The following SCN2A variants were observed in gnomAD, a reference collection of about 807,000 sequenced individuals.
SCN2A encodes the protein sodium channel protein type 2 subunit alpha.
In SCN2A, 20 loss-of-function variants were observed where a neutral mutation model predicts 188.7. The ratio of observed to expected loss-of-function variants is 0.11; its 90% CI spans 0.07 to 0.15. The LOEUF is 0.15. SCN2A is among the 10% of genes least tolerant of loss of function. The probability of loss-of-function intolerance (pLI) is 1.00; values close to 1 mark genes in which losing one functional copy is unlikely to be tolerated. For synonymous variants in SCN2A, 804 were observed against 833.1 expected, an observed-to-expected ratio of 0.97 and a Z score of 0.60; for missense variants, 1,278 against 2,445.0, an observed-to-expected ratio of 0.52 and a Z score of 10.07.
chr2:165,304,101 T>C (rs907149483), intron 3 of SCN2A, among the ~76,000 whole-genome samples: 2 of 151,976 alleles, frequency 1.3e-5, no homozygotes, highest in African/African-American at 2.4e-5. Flanking sequence ...GTGTAAACAA[T>C]ATGTATATAT....
At chr2:165,334,333 A>C (rs1011282932) in intron 14 of SCN2A, among the ~76,000 whole-genome samples, 1 of 151,738 alleles carries the variant, frequency 6.6e-6, no homozygotes, top group African/African-American at 2.4e-5. Context: ...GAACACAGAC[A>C]CAAATATAGA....
chr2:165,382,725 C>G (rs1263180120), intron 25 of SCN2A, among the ~76,000 whole-genome samples: 1 of 152,050 alleles, frequency 6.6e-6, no homozygotes, highest in Non-Finnish European at 1.5e-5. Flanking sequence ...ATACTGAAGT[C>G]ATATGAAGGC....
intron 1 of SCN2A, among the ~76,000 whole-genome samples, chr2:165,257,578 A>G (rs1302318031): frequency 6.6e-6 from 1 of 151,874 alleles, no homozygotes; most frequent in African/African-American, 2.4e-5. Flanking sequence ...TTGCTCTGTC[A>G]CCCAGGCTGG....
intron 1 of SCN2A, chr2:165,269,168 T>A (rs369663730): frequency 6.6e-6 from 1 of 152,084 alleles, no homozygotes; most frequent in East Asian, 1.9e-4. Context: ...CACCAAAATA[T>A]AAATATCTGA....
At chr2:165,309,719 C>T (rs374922781) in intron 6 of SCN2A, among the ~76,000 whole-genome samples, 100 of 152,184 alleles carry the variant, frequency 6.6e-4, no homozygotes, top group Middle Eastern at 3.4e-3. Context: ...TCAAGCTTTC[C>T]GCATAGAAGC....
At chr2:165,278,622 G>A (rs775778811) in intron 1 of SCN2A, among the ~76,000 whole-genome samples, 4 of 152,114 alleles carry the variant, frequency 2.6e-5, no homozygotes, top group Admixed American at 1.3e-4. Flanking sequence ...CTATCGTGGG[G>A]GTTGGTAAGA....
chr2:165,338,662 T>G (rs1699145685), intron 14 of SCN2A, among the ~76,000 whole-genome samples: 1 of 152,142 alleles, frequency 6.6e-6, no homozygotes, highest in South Asian at 2.1e-4. Context: ...CAAAATATTA[T>G]CAATAAAATC....
At chr2:165,377,559 T>A in intron 22 of SCN2A, 38 bp from the exon 23 acceptor site, 1 of 1,543,934 alleles carries the variant, frequency 6.5e-7, no homozygotes, top group Non-Finnish European at 8.9e-7. Context: ...AAAATTATAA[T>A]TTTGGGAAAA....
chr2:165,293,468 A>G (rs1696324134), intron 1 of SCN2A, among the ~76,000 whole-genome samples: 1 of 152,166 alleles, frequency 6.6e-6, no homozygotes, highest in Non-Finnish European at 1.5e-5. Flanking sequence ...CTACAAACCT[A>G]TACTGGATGT....
intron 14 of SCN2A, among the ~76,000 whole-genome samples, chr2:165,341,717 C>A (rs927047329): frequency 6.6e-6 from 1 of 152,062 alleles, no homozygotes; most frequent in African/African-American, 2.4e-5. Context: ...AAGGCATAAG[C>A]AAAAATGGCT....
chr2:165,254,957 T>C (rs1407719348), intron 1 of SCN2A, among the ~76,000 whole-genome samples: 2 of 151,932 alleles, frequency 1.3e-5, no homozygotes, highest in African/African-American at 4.8e-5. Flanking sequence ...TAAATTTTTG[T>C]TTGTATTTGT....
intron 1 of SCN2A, among the ~76,000 whole-genome samples, chr2:165,275,412 T>C (rs536155419): frequency 2.0e-5 from 3 of 152,314 alleles, no homozygotes; most frequent in African/African-American, 7.2e-5. Flanking sequence ...GTACCACATG[T>C]CAGAATCTAT....
chr2:165,379,763 A>G (rs1701501590), intron 23 of SCN2A, among the ~76,000 whole-genome samples: 1 of 151,704 alleles, frequency 6.6e-6, no homozygotes, highest in South Asian at 2.1e-4. Flanking sequence ...ATAATCCTCT[A>G]AATTGATTTC....
intron 1 of SCN2A, among the ~76,000 whole-genome samples, chr2:165,291,495 C>CTT (rs1218839923): frequency 3.6e-4 from 16 of 44,302 alleles, no homozygotes; most frequent in African/African-American, 3.6e-4. Flanking sequence ...TCTTTCTTTT[C>CTT]TTTCTTTCTT....
At position 165,239,659 on chromosome 2, in the gene SCN2A, A is replaced by G. The variant is rs1693532450; in HGVS notation, c.-52+19A>G. 1 of 972,392 alleles carries G rather than the reference A, an allele frequency of 1.0e-6. No homozygotes were observed. Among genetic ancestry groups the G allele is most frequent in the Non-Finnish European group, 1.2e-6 (1 of 818,116 alleles). The allele number at this position is 972,392 out of a possible 1,614,324, so 60.2% of individuals were successfully genotyped here. On this transcript the variant is annotated intron_variant, in intron 1 of 26. Coordinates refer to ENST00000375437, the MANE Select transcript of SCN2A (RefSeq NM_001040142.2). ...ATTTCAGGTAAGCCAGCATGATTCTATTTTTGACTTATCCACGGATTGTTA... is the reference window on the plus strand; with the variant it reads ...ATTTCAGGTAAGCCAGCATGATTCTGTTTTTGACTTATCCACGGATTGTTA...
At chr2:165,253,816 A>G (rs544776949) in intron 1 of SCN2A, among the ~76,000 whole-genome samples, 1 of 151,976 alleles carries the variant, frequency 6.6e-6, no homozygotes, top group Admixed American at 6.6e-5. Context: ...TATTAATTTT[A>G]TTATTTTTCT....
intron 16 of SCN2A, among the ~76,000 whole-genome samples, chr2:165,350,467 T>TC (rs1559380809): frequency 2.4e-5 from 1 of 41,338 alleles, no homozygotes; most frequent in Non-Finnish European, 4.7e-5. Flanking sequence ...TTTCTTTCTT[T>TC]TTTTTTTTTT....
intron 14 of SCN2A, among the ~76,000 whole-genome samples, chr2:165,332,908 T>C (rs1433781199): frequency 6.6e-6 from 1 of 151,984 alleles, no homozygotes; most frequent in African/African-American, 2.4e-5. Context: ...TCTCTCTTCT[T>C]CCCAATATGT....
At chr2:165,321,674 C>A (rs2105273588) in intron 11 of SCN2A, among the ~76,000 whole-genome samples, 1 of 152,216 alleles carries the variant, frequency 6.6e-6, no homozygotes, top group Middle Eastern at 3.4e-3. Context: ...CCCATAAAAT[C>A]ATTAGATCTC....
Sources: gnomAD v4.1 joint callset for allele counts (sites outside exome capture counted in the v4.1 genomes callset) on GRCh38, gnomAD v4.1.1 for gene constraint, MANE v1.5 for transcripts, NCBI Gene and HGNC (gene_info 2026-07-23, HGNC 2026-07-21) for gene names.